Variants in S100A13 observed in about 807,000 individuals in gnomAD.
S100A13 encodes protein S100-A13.
Under a neutral mutation model 8.2 loss-of-function variants are expected in S100A13, and 6 were observed. The ratio of observed to expected loss-of-function variants is 0.73; its 90% CI spans 0.40 to 1.44. The LOEUF (loss-of-function observed/expected upper bound fraction) is 1.44, where lower values mean the gene tolerates loss of function less well. S100A13 is among the 40% of genes most tolerant of loss of function. The probability of loss-of-function intolerance (pLI) is 0.02; values close to 1 mark genes in which losing one functional copy is unlikely to be tolerated. For synonymous variants in S100A13, 39 were observed against 45.9 expected (o/e 0.85, Z 0.61); for missense variants, 114 against 113.6 (o/e 1.00, Z -0.02).
At chr1:153,628,260 A>G, upstream of S100A13, 1 of 1,529,658 alleles carries the variant, frequency 6.5e-7, no homozygotes, top group South Asian at 1.2e-5. Flanking sequence ...GAACGGGGCA[A>G]GCAAGGCTGG....
upstream of S100A13, chr1:153,629,286 C>T (rs1234155396): frequency 6.6e-6 from 1 of 152,276 alleles, no homozygotes; most frequent in African/African-American, 2.4e-5. Context: ...ACCCCTTATC[C>T]CCTCATCAGC....
upstream of S100A13, chr1:153,631,220 C>T: frequency 9.9e-6 from 5 of 503,996 alleles, no homozygotes; most frequent in Non-Finnish European, 1.8e-5. Context: ...AACCAGGGCC[C>T]CAAAGTAAAG....
intron 2 of S100A13, among the ~76,000 whole-genome samples, chr1:153,624,905 T>C (rs1213196114): frequency 6.6e-6 from 1 of 152,062 alleles, no homozygotes; most frequent in Non-Finnish European, 1.5e-5. Context: ...TGAAACCCCG[T>C]CTCTACTAAA....
At position 153,626,526 on chromosome 1, in the gene S100A13, G is replaced by A. The variant is rs149843656; in HGVS notation, c.-54C>T. The A allele has an allele frequency of 2.5e-6, 4 of 1,583,706 alleles. No homozygotes were observed. The highest frequency in any genetic ancestry group is 2.2e-5 in the South Asian group (2 of 89,956). ...TCAAGGGGCTAGCTGACCTTTGTCA[G>A]GGCTGACCTGTGGAAGAGAGAAGGA... On this transcript the variant is annotated 5_prime_UTR_variant, in exon 2 of 3. Coordinates refer to ENST00000476133, the MANE Select transcript of S100A13 (RefSeq NM_001024211.2).
At chr1:153,632,049 T>G (rs1474716541), upstream of S100A13, 3 of 585,582 alleles carry the variant, frequency 5.1e-6, no homozygotes, top group Admixed American at 6.2e-5. Flanking sequence ...ATCCGATGTC[T>G]GTCTCCTCTG....
At chr1:153,631,131 G>A (rs1362894884), upstream of S100A13, 2 of 311,848 alleles carry the variant, frequency 6.4e-6, no homozygotes, top group Non-Finnish European at 1.2e-5. Flanking sequence ...CAAAAGCATG[G>A]GAGAAAGAAG....
At chr1:153,631,778 G>A, upstream of S100A13, 1 of 1,614,200 alleles carries the variant, frequency 6.2e-7, no homozygotes, top group Middle Eastern at 1.6e-4. Context: ...ACTTCCAGGA[G>A]TATGTGGTGC....
chr1:153,621,806 C>T (rs1239558827), intron 2 of S100A13, among the ~76,000 whole-genome samples: 1 of 151,092 alleles, frequency 6.6e-6, no homozygotes. Context: ...TGCAGTGAGC[C>T]GAGATCACAC....
intron 2 of S100A13, among the ~76,000 whole-genome samples, chr1:153,625,556 A>G (rs1466554833): frequency 6.6e-6 from 1 of 152,234 alleles, no homozygotes; most frequent in Non-Finnish European, 1.5e-5. Flanking sequence ...CTATGACTCC[A>G]TGAATTTGGC....
At chr1:153,631,551 AC>A (rs1432761417), upstream of S100A13, 1 of 1,613,732 alleles carries the variant, frequency 6.2e-7, no homozygotes, top group East Asian at 2.2e-5. Context: ...AGCCCTCAAG[AC>A]CTTTGAGGAG....
At chr1:153,624,384 A>G (rs1667464825) in intron 2 of S100A13, among the ~76,000 whole-genome samples, 1 of 152,160 alleles carries the variant, frequency 6.6e-6, no homozygotes, top group East Asian at 1.9e-4. Context: ...GTGAGCCAGG[A>G]GCTGAAGAGC....
At chr1:153,630,656 C>T (rs989202985), upstream of S100A13, 4 of 1,614,054 alleles carry the variant, frequency 2.5e-6, no homozygotes, top group Admixed American at 6.7e-5. Flanking sequence ...TCTCTGGCTT[C>T]CTGGATGTGA....
chr1:153,624,548 A>G (rs535419197), intron 2 of S100A13, among the ~76,000 whole-genome samples: 38 of 124,692 alleles, frequency 3.0e-4, no homozygotes, highest in Admixed American at 1.1e-3. Flanking sequence ...TGAATTTAGG[A>G]AAAAAAAAAA....
chr1:153,625,029 C>T (rs1436274816), intron 2 of S100A13, among the ~76,000 whole-genome samples: 2 of 152,174 alleles, frequency 1.3e-5, no homozygotes, highest in African/African-American at 2.4e-5. Flanking sequence ...GAGCCAAGAT[C>T]GCACCATTGC....
chr1:153,621,401 C>T (rs1370799303), intron 2 of S100A13, among the ~76,000 whole-genome samples: 1 of 151,874 alleles, frequency 6.6e-6, no homozygotes, highest in Non-Finnish European at 1.5e-5. Flanking sequence ...AGGTGATCCA[C>T]CCACCTCAGC....
intron 2 of S100A13, 100 bp downstream of exon 2, chr1:153,626,220 T>G: frequency 9.1e-7 from 1 of 1,096,884 alleles, no homozygotes; most frequent in Non-Finnish European, 1.4e-6. Flanking sequence ...ACCCACACCC[T>G]TTCTTGTGGT....
intron 2 of S100A13, 58 bp from the exon 3 acceptor site, chr1:153,619,096 G>A (rs1667075155): frequency 2.7e-6 from 4 of 1,504,256 alleles, no homozygotes; most frequent in Non-Finnish European, 3.7e-6. Flanking sequence ...GAGAAAGTAG[G>A]GAGGGAAGAA....
At chr1:153,633,462 G>A (rs547182542), upstream of S100A13, among the ~76,000 whole-genome samples, 1 of 124,852 alleles carries the variant, frequency 8.0e-6, no homozygotes, top group Non-Finnish European at 1.7e-5. Context: ...AATCGAGGAC[G>A]CAAAGGTGCC....
chr1:153,624,183 G>T (rs1283468307), intron 2 of S100A13, among the ~76,000 whole-genome samples: 2 of 152,304 alleles, frequency 1.3e-5, no homozygotes, highest in Middle Eastern at 3.4e-3. Context: ...GATTTTGGAA[G>T]TTGTGCGTTA....
Sources: gnomAD v4.1 joint callset for allele counts (sites outside exome capture counted in the v4.1 genomes callset) on GRCh38, gnomAD v4.1.1 for gene constraint, MANE v1.5 for transcripts, NCBI Gene and HGNC (gene_info 2026-07-23, HGNC 2026-07-21) for gene names.